Variants in OAS3 observed in about 807,000 individuals in gnomAD.
OAS3 encodes 2'-5'-oligoadenylate synthetase 3, also known as 2'-5'-oligoadenylate synthase 3.
In OAS3, 107 loss-of-function variants were observed where a neutral mutation model predicts 113.0. That is an observed-to-expected ratio of 0.95 (90% CI 0.81 to 1.11). The LOEUF is 1.11. Among genes scored for constraint, OAS3 ranks in the 50% most tolerant of loss-of-function variants. The pLI is 0.00. For missense variants in OAS3, 1,258 were observed against 1,389.1 expected, an observed-to-expected ratio of 0.91 and a Z score of 1.50; for synonymous variants, 552 against 573.6, an observed-to-expected ratio of 0.96 and a Z score of 0.54.
Position 112,941,718 on chromosome 12 carries a change from G to A in OAS3, c.326G>A (p.Trp109Ter). The change falls in exon 2 of 16, where the codon TGG (tryptophan) becomes TAG (stop). Residue 109 changes from tryptophan (W) to a stop codon, truncating the protein, a stop_gained. Coordinates refer to ENST00000228928, the MANE Select transcript of OAS3 (RefSeq NM_006187.4). LOFTEE classifies it high-confidence loss of function. ...SEMRASLESWWQNPVPGLRLT... is the reference protein window; with the variant it reads ...SEMRASLESW ...ATGCGGGCATCGCTGGAATCCTGGT[G>A]GCAGAACCCAGTCCCTGGTCTGAGA... 1 of 1,614,012 alleles carries A rather than the reference G, an allele frequency of 6.2e-7. No homozygotes were observed. The highest frequency in any genetic ancestry group is 8.5e-7 in the Non-Finnish European group (1 of 1,179,880).
rs958662184 is a variant in OAS3 at position 112,973,243 on chromosome 12, C to T, written c.*3270C>T. On this transcript the variant is annotated 3_prime_UTR_variant, in exon 16 of 16. Coordinates refer to ENST00000228928, the MANE Select transcript of OAS3 (RefSeq NM_006187.4). The stretch of plus-strand genomic sequence containing the variant: ...TGCCAACATTTCATATAAATGGCAT[C>T]ATACAATATGTGGCCTTTTGTGTCT... The T allele has an allele frequency of 1.4e-4, 22 of 152,342 alleles. No homozygotes were observed. Among genetic ancestry groups the T allele is most frequent in the African/African-American group, 4.8e-4 (20 of 41,582 alleles). The allele number at this position is 152,342 out of a possible 1,614,324, so 9.4% of individuals were successfully genotyped here.
chr12:112,950,356 C>T (rs2043777562), intron 6 of OAS3, among the ~76,000 whole-genome samples: 1 of 152,184 alleles, frequency 6.6e-6, no homozygotes, highest in Non-Finnish European at 1.5e-5. Context: ...CAACTGCTGG[C>T]CCAGATGTGC....
chr12:112,938,481 C>A lies in OAS3; in HGVS notation c.-50C>A. 1 of 1,484,072 alleles carries A rather than the reference C, an allele frequency of 6.7e-7. No individual in the cohort carries two copies. The highest frequency in any genetic ancestry group is 9.0e-7 in the Non-Finnish European group (1 of 1,116,862). 91.9% of individuals were successfully genotyped at this position (1,484,072 alleles called of 1,614,324 possible). ...GGGCGGGAAAACGAAACCAGAAATCCGAAGGCCGCGCCAGAGCCCTGCTTC... is the reference window on the plus strand; with the variant it reads ...GGGCGGGAAAACGAAACCAGAAATCAGAAGGCCGCGCCAGAGCCCTGCTTC... On this transcript the variant is annotated 5_prime_UTR_variant, in exon 1 of 16. Transcript: ENST00000228928.
intron 6 of OAS3, among the ~76,000 whole-genome samples, chr12:112,950,183 C>A (rs1309839639): frequency 1.3e-5 from 2 of 152,184 alleles, no homozygotes; most frequent in African/African-American, 4.8e-5. Flanking sequence ...AATTTTGTAT[C>A]CTCTCTTCTT....
chr12:112,965,853 A>G lies in OAS3; in HGVS notation c.2513A>G (p.Glu838Gly). 6.2e-7 allele frequency: 1 copy of G among 1,613,798 alleles called. No homozygotes were observed. The highest frequency in any genetic ancestry group is 2.2e-5 in the East Asian group (1 of 44,882). ...ACTGAGCAGGGCAACAAGCGGGCCGAGATCATCTCCGAGATCCGAGCCCAG... is the reference window on the plus strand; with the variant it reads ...ACTGAGCAGGGCAACAAGCGGGCCGGGATCATCTCCGAGATCCGAGCCCAG... Reference protein sequence around the residue: ...QFTEQGNKRAEIISEIRAQLE... With the variant: ...QFTEQGNKRAGIISEIRAQLE... Residue 838 changes from glutamate to glycine, a missense_variant, in exon 12 of 16, where the codon GAG (glutamate) becomes GGG (glycine). By Grantham distance (98) the Glu-to-Gly change is moderately conservative. Transcript: ENST00000228928.
chr12:112,961,185 T>A lies in OAS3; in HGVS notation c.1772T>A (p.Met591Lys). The A allele has an allele frequency of 1.2e-6, 2 of 1,613,326 alleles. No individual in the cohort carries two copies. The highest frequency in any genetic ancestry group is 8.5e-7 in the Non-Finnish European group (1 of 1,179,906). ...TTCGCAGAGCTGCGGAGGAACTTCA[T>A]GAACATTCGCCCTGTCAAGCTGAAG... is the stretch of plus-strand genomic sequence containing the variant. ...ACFAELRRNF[M>K]NIRPVKLKNL... Residue 591 changes from methionine to lysine, a missense_variant, in exon 8 of 16, where the codon ATG becomes AAG. By Grantham distance (95) the Met-to-Lys change is moderately conservative (BLOSUM62 -1). Coordinates refer to ENST00000228928, the MANE Select transcript of OAS3 (RefSeq NM_006187.4).
At position 112,948,021 on chromosome 12, in the gene OAS3, C is replaced by A; in HGVS notation, c.951C>A (p.Ala317=). ...NGAAWHWDLL[A]QEAASCYDHP... Reference sequence around the variant, plus strand: ...CAGCCTGGCACTGGGATTTGCTAGCCCAGGAGGCAGCATCCTGCTATGACC... The same window carrying A: ...CAGCCTGGCACTGGGATTTGCTAGCACAGGAGGCAGCATCCTGCTATGACC... Residue 317 remains alanine, a synonymous_variant, in exon 5 of 16, where the codon GCC becomes GCA. Coordinates refer to ENST00000228928, the MANE Select transcript of OAS3 (RefSeq NM_006187.4). 1 of 1,601,248 alleles carries A rather than the reference C, an allele frequency of 6.2e-7. No individual in the cohort carries two copies. Among genetic ancestry groups the A allele is most frequent in the Non-Finnish European group, 8.5e-7 (1 of 1,173,702 alleles).
At chr12:112,962,446 G>C (rs1199740906) in intron 8 of OAS3, among the ~76,000 whole-genome samples, 1 of 152,218 alleles carries the variant, frequency 6.6e-6, no homozygotes, top group Non-Finnish European at 1.5e-5. Flanking sequence ...CCACGTCTGA[G>C]CTCTCAGTCT....
chr12:112,946,631 C>T lies in OAS3; in HGVS notation c.637-112C>T, dbSNP rs866576315. On this transcript the variant is annotated intron_variant, in intron 3 of 15. Coordinates refer to ENST00000228928, the MANE Select transcript of OAS3 (RefSeq NM_006187.4). ...TTGTTCTTGGAACAGGCTTGGAACA[C>T]AGCATCTTGCCTCAGGCTCGGCCTG... The T allele has an allele frequency of 1.5e-4, 133 of 887,530 alleles. 1 individual carries two copies. In the Middle Eastern group the frequency reaches 0.01, roughly 70 times the overall value. The allele number at this position is 887,530 out of a possible 1,614,324, so 55.0% of individuals were successfully genotyped here.
intron 8 of OAS3, 90 bp downstream of exon 8, chr12:112,961,336 CT>C: frequency 1.7e-6 from 2 of 1,189,850 alleles, no homozygotes; most frequent in Non-Finnish European, 2.4e-6. Flanking sequence ...CACATCTCCC[CT>C]CCTTTGCTTC....
chr12:112,967,541 G>T lies in OAS3; in HGVS notation c.2813G>T (p.Arg938Leu), dbSNP rs763033587. The T allele has an allele frequency of 3.1e-6, 5 of 1,613,704 alleles. No homozygotes were observed. The highest frequency in any genetic ancestry group is 4.2e-6 in the Non-Finnish European group (5 of 1,179,856). The change falls in exon 13 of 16, where the codon CGC becomes CTC. Residue 938 changes from arginine (R) to leucine (L), a missense_variant. Arg to Leu is a moderately radical substitution (Grantham distance 102). Transcript: ENST00000228928. The part of the protein sequence containing the change: ...TELQRDFIIS[R>L]PTKLKSLIRL... ...CTACAACGGGACTTCATCATCTCTC[G>T]CCCTACCAAGCTGAAGAGCCTGATC...
intron 2 of OAS3, among the ~76,000 whole-genome samples, chr12:112,942,971 T>G (rs1445192696): frequency 6.6e-6 from 1 of 151,950 alleles, no homozygotes; most frequent in East Asian, 1.9e-4. Context: ...AGGGTCTCAC[T>G]CTGTCACCCA....
rs543179978 is a variant in OAS3, at chr12:112,967,305, A to G, written c.2690-113A>G. The G allele has an allele frequency of 1.6e-4, 168 of 1,029,742 alleles. 4 individuals are homozygous for G. The South Asian group carries it at 2.6e-3, about 16-fold the overall frequency. 63.8% of individuals were successfully genotyped at this position (1,029,742 alleles called of 1,614,324 possible). On this transcript the variant is annotated intron_variant, in intron 12 of 15. Transcript: ENST00000228928. ...CCTGTGGCCTCCCAGTGGATCCCAG[A>G]CCACCCTTAGGAAAACACCCAAGAG...
rs1265141405 is a variant in OAS3, at chr12:112,970,075, CAT to C, written c.*103_*104del. On this transcript the variant is annotated 3_prime_UTR_variant, in exon 16 of 16. Coordinates refer to ENST00000228928, the MANE Select transcript of OAS3 (RefSeq NM_006187.4). ...CCTACCAGATGAGAGAGATTGTGTA[CAT>C]GTGTGTGTGAGCACATGTGTGCATG... 80 of 1,356,602 alleles carry C rather than the reference CAT, an allele frequency of 5.9e-5. No individual in the cohort carries two copies. The highest frequency in any genetic ancestry group is 2.3e-4 in the Admixed American group (12 of 51,662). The allele number at this position is 1,356,602 out of a possible 1,614,324, so 84.0% of individuals were successfully genotyped here.
chr12:112,949,078 T>G lies in OAS3; in HGVS notation c.1247T>G (p.Leu416Arg). Residue 416 changes from leucine (L) to arginine (R), a missense_variant, in exon 6 of 16, where the codon CTG becomes CGG. Coordinates refer to ENST00000228928, the MANE Select transcript of OAS3 (RefSeq NM_006187.4). ...CTGTCTCAGATCCCCACCAAGGAGC[T>G]GGACCGCTTCATCCAGGACCACCTG... is the stretch of plus-strand genomic sequence containing the variant. ...LDLSQIPTKE[L>R]DRFIQDHLKP... is the part of the protein sequence containing the mutation. 6.2e-7 allele frequency: 1 copy of G among 1,614,008 alleles called. No individual in the cohort carries two copies. The highest frequency in any genetic ancestry group is 8.5e-7 in the Non-Finnish European group (1 of 1,179,886).
rs1053033297 is a variant in OAS3 at position 112,971,164 on chromosome 12, A to C, written c.*1191A>C. The C allele has an allele frequency of 6.6e-6, 1 of 152,444 alleles. No homozygotes were observed. Among genetic ancestry groups the C allele is most frequent in the Admixed American group, 6.5e-5 (1 of 15,294 alleles). The allele number at this position is 152,444 out of a possible 1,614,324, so 9.4% of individuals were successfully genotyped here. On this transcript the variant is annotated 3_prime_UTR_variant, in exon 16 of 16. Transcript: ENST00000228928. Reference sequence around the variant, plus strand: ...AAATCACTGGAAAGGCTGGAGGAGCAGAAGGCAGAGGCCACCACTGGACTA... The same window carrying C: ...AAATCACTGGAAAGGCTGGAGGAGCCGAAGGCAGAGGCCACCACTGGACTA...
rs190457225 is a variant in OAS3 at position 112,945,128 on chromosome 12, A to G, written c.636+477A>G. ...GGAGTTCAAGACCAGCCTGGCCAAC[A>G]TGGTGAAACCCTGTCTCTACTAAAA... On this transcript the variant is annotated intron_variant, in intron 3 of 15. Coordinates refer to ENST00000228928, the MANE Select transcript of OAS3 (RefSeq NM_006187.4). The G allele has an allele frequency of 7.0e-4, 160 of 228,986 alleles. No homozygotes were observed. The East Asian group carries it at 0.016, about 23-fold the overall frequency. 14.2% of individuals were successfully genotyped at this position (228,986 alleles called of 1,614,324 possible).
intron 2 of OAS3, 27 bp downstream of exon 2, chr12:112,941,879 GT>G (rs2136343232): frequency 6.2e-7 from 1 of 1,613,892 alleles, no homozygotes; most frequent in East Asian, 2.2e-5. Flanking sequence ...CCATTCCAGG[GT>G]TGGGGGCAAA....
rs757550709 is a variant in OAS3 at position 112,969,766 on chromosome 12, T to A, written c.3252+11T>A. ...CCATGGCCAGTGAAGGTGAGAGATC[T>A]GTGGTGCCAAAGGAAGTACCCTTTA... On this transcript the variant is annotated intron_variant, in intron 15 of 15. Transcript: ENST00000228928. 2.5e-6 allele frequency: 4 copies of A among 1,611,190 alleles called. No homozygotes were observed. The highest frequency in any genetic ancestry group is 3.4e-6 in the Non-Finnish European group (4 of 1,178,418).
Sources: gnomAD v4.1 joint callset for allele counts (sites outside exome capture counted in the v4.1 genomes callset) on GRCh38, gnomAD v4.1.1 for gene constraint, MANE v1.5 for transcripts, NCBI Gene and HGNC (gene_info 2026-07-23, HGNC 2026-07-21) for gene names.